The following FAM124A variants were observed in gnomAD, a reference collection of about 807,000 sequenced individuals.
The protein encoded by FAM124A is family with sequence similarity 124 member A, also known as protein FAM124A.
Under a neutral mutation model 24.5 loss-of-function variants are expected in FAM124A, and 23 were observed. The observed-to-expected ratio is 0.94, with a 90% CI of 0.68 to 1.33. The LOEUF (loss-of-function observed/expected upper bound fraction) is 1.33. FAM124A is among the 40% of genes most tolerant of loss of function. The probability of loss-of-function intolerance (pLI) is 0.00; values close to 1 mark genes in which losing one functional copy is unlikely to be tolerated. For missense variants in FAM124A, 623 were observed against 722.8 expected (o/e 0.86, Z 1.58); for synonymous variants, 287 against 314.7 (o/e 0.91, Z 0.93).
chr13:51,249,725 A>T (rs112502227), intron 2 of FAM124A, among the ~76,000 whole-genome samples: 12 of 152,208 alleles, frequency 7.9e-5, no homozygotes, highest in African/African-American at 2.9e-4. Flanking sequence ...CCCCCACCCC[A>T]AGTTACTATT....
intron 3 of FAM124A, among the ~76,000 whole-genome samples, chr13:51,260,355 A>G (rs1954722347): frequency 6.6e-6 from 1 of 152,178 alleles, no homozygotes; most frequent in Non-Finnish European, 1.5e-5. Flanking sequence ...GGCCAGAGAT[A>G]CACACTGCCA....
chr13:51,254,154 G>A (rs1566169318), intron 3 of FAM124A, among the ~76,000 whole-genome samples: 1 of 152,180 alleles, frequency 6.6e-6, no homozygotes, highest in Admixed American at 6.5e-5. Context: ...CTCTTTAGCA[G>A]TGTACGTTCC....
At chr13:51,256,034 C>G (rs1293884313) in intron 3 of FAM124A, among the ~76,000 whole-genome samples, 1 of 152,210 alleles carries the variant, frequency 6.6e-6, no homozygotes, top group African/African-American at 2.4e-5. Context: ...TGCACTGTTC[C>G]TTTCTCAGGG....
At chr13:51,241,092 C>T (rs1432615103) in intron 2 of FAM124A, among the ~76,000 whole-genome samples, 1 of 152,222 alleles carries the variant, frequency 6.6e-6, no homozygotes, top group Non-Finnish European at 1.5e-5. Context: ...AAAAGCCCAG[C>T]TCTTGCAACA....
At chr13:51,256,102 G>A (rs953053812) in intron 3 of FAM124A, among the ~76,000 whole-genome samples, 1 of 152,220 alleles carries the variant, frequency 6.6e-6, no homozygotes, top group African/African-American at 2.4e-5. Context: ...TGCCTCTTTT[G>A]GAGGCCTGCT....
intron 1 of FAM124A, among the ~76,000 whole-genome samples, chr13:51,223,524 A>T (rs1954283927): frequency 6.6e-6 from 1 of 152,098 alleles, no homozygotes; most frequent in African/African-American, 2.4e-5. Context: ...GAGGTTTTAG[A>T]CTAATCTCAG....
intron 1 of FAM124A, among the ~76,000 whole-genome samples, chr13:51,230,946 C>T (rs1396836058): frequency 6.6e-6 from 1 of 152,192 alleles, no homozygotes; most frequent in African/African-American, 2.4e-5. Flanking sequence ...TAGCAAAGAA[C>T]ATTTCCCCAT....
Position 51,225,720 on chromosome 13 carries a change from G to T in FAM124A, c.68+3151G>T, listed in dbSNP as rs1036229427. 2.0e-5 allele frequency among the ~76,000 whole-genome samples: 3 copies of T among 152,118 alleles called. No homozygotes were observed. The South Asian group carries it at 6.2e-4, about 32-fold the overall frequency. On this transcript the variant is annotated intron_variant, in intron 1 of 3. Coordinates refer to ENST00000322475, the MANE Select transcript of FAM124A (RefSeq NM_001242312.2). The stretch of plus-strand genomic sequence containing the variant: ...GAAGGAAGAGTGGTATTTCACAGCG[G>T]GGTGGTGGAGGCAGGAGCCAGATTA...
chr13:51,231,437 C>T, intron 2 of FAM124A, 58 bp downstream of exon 2: 2 of 1,560,762 alleles, frequency 1.3e-6, no homozygotes, highest in Admixed American at 1.9e-5. Flanking sequence ...GAGGTCAGTA[C>T]CCTAGAGGCC....
At chr13:51,268,983 T>A (rs1954814958) in intron 3 of FAM124A, among the ~76,000 whole-genome samples, 1 of 152,180 alleles carries the variant, frequency 6.6e-6, no homozygotes, top group Non-Finnish European at 1.5e-5. Context: ...AACAAACACA[T>A]GCAGAGCCAA....
At chr13:51,256,952 T>C (rs1418797989) in intron 3 of FAM124A, among the ~76,000 whole-genome samples, 2 of 152,216 alleles carry the variant, frequency 1.3e-5, no homozygotes, top group Non-Finnish European at 2.9e-5. Context: ...TGTCTTTCTG[T>C]TATTGGCTTA....
intron 1 of FAM124A, among the ~76,000 whole-genome samples, chr13:51,228,410 A>G (rs2137643915): frequency 6.6e-6 from 1 of 152,244 alleles, no homozygotes; most frequent in Middle Eastern, 3.4e-3. Flanking sequence ...ATGTGTCTAT[A>G]TTTGTCAGGT....
At position 51,281,422 on chromosome 13, in the gene FAM124A, A is replaced by G; in HGVS notation, c.*166A>G. On this transcript the variant is annotated 3_prime_UTR_variant, in exon 4 of 4. Coordinates refer to ENST00000322475, the MANE Select transcript of FAM124A (RefSeq NM_001242312.2). ...CTTAGCTGGGGGGTGGTATATCTCT[A>G]GAGACACAGCAGAAAAATACTGGCA... 1.8e-6 allele frequency: 1 copy of G among 564,814 alleles called. No homozygotes were observed. The highest frequency in any genetic ancestry group is 3.0e-6 in the Non-Finnish European group (1 of 337,858). The allele number at this position is 564,814 out of a possible 1,614,324, so 35.0% of individuals were successfully genotyped here.
rs534882865 is a variant in FAM124A, at chr13:51,251,159, A to G, written c.101-309A>G. Among the ~76,000 whole-genome samples the G allele has an allele frequency of 1.3e-5, 2 of 152,226 alleles. No homozygotes were observed. Among genetic ancestry groups the G allele is most frequent in the South Asian group, 4.1e-4 (2 of 4,826 alleles). ...CTAGACTTGACTTTCTATTTGTCTG[A>G]TACGTAAATATAAAGTCAAATGTTC... On this transcript the variant is annotated intron_variant, in intron 2 of 3. Coordinates refer to ENST00000322475, the MANE Select transcript of FAM124A (RefSeq NM_001242312.2). The surrounding 1 kb of genome is among the most constrained non-coding windows in gnomAD (Gnocchi z 5.3).
At chr13:51,264,249 G>A (rs1839929026) in intron 3 of FAM124A, among the ~76,000 whole-genome samples, 1 of 152,196 alleles carries the variant, frequency 6.6e-6, no homozygotes, top group Admixed American at 6.5e-5. Context: ...GTCACTGGAT[G>A]AAAGCAGCCA....
Position 51,255,062 on chromosome 13 carries a change from G to A in FAM124A, c.834+2861G>A, listed in dbSNP as rs115548910. Among the ~76,000 whole-genome samples, 575 of 152,156 alleles carry A rather than the reference G, an allele frequency of 3.8e-3. 3 individuals carry two copies. Among genetic ancestry groups the A allele is most frequent in the African/African-American group, 0.013 (556 of 41,494 alleles). ...CTCTATATTACATGAAAGGGGGAGA[G>A]AGAAGAAATTTCTAGTCCAAAAAAA... On this transcript the variant is annotated intron_variant, in intron 3 of 3. Transcript: ENST00000322475.
chr13:51,254,502 C>T (rs188358731), intron 3 of FAM124A, among the ~76,000 whole-genome samples: 72 of 152,256 alleles, frequency 4.7e-4, no homozygotes, highest in African/African-American at 1.6e-3. Flanking sequence ...AATGTATCTT[C>T]CCTTCATTCT....
At position 51,252,132 on chromosome 13, in the gene FAM124A, C is replaced by A. The variant is rs1197722626; in HGVS notation, c.765C>A (p.Asn255Lys). ...DIGELVPLLP[N>K]PCSPISEGRW... Reference sequence around the variant, plus strand: ...GCGAGCTCGTGCCTCTCCTGCCCAACCCTTGCAGCCCCATCAGCGAGGGGC... The same window carrying A: ...GCGAGCTCGTGCCTCTCCTGCCCAAACCTTGCAGCCCCATCAGCGAGGGGC... Residue 255 changes from asparagine (N) to lysine (K), a missense_variant, in exon 3 of 4, where the codon AAC becomes AAA. Transcript: ENST00000322475. The A allele has an allele frequency of 5.0e-6, 8 of 1,613,990 alleles. No individual in the cohort carries two copies. Among genetic ancestry groups the A allele is most frequent in the Non-Finnish European group, 6.8e-6 (8 of 1,180,040 alleles).
chr13:51,240,683 G>A (rs189430388), intron 2 of FAM124A, among the ~76,000 whole-genome samples: 2 of 152,288 alleles, frequency 1.3e-5, no homozygotes, highest in African/African-American at 2.4e-5. Flanking sequence ...CCTATAAGAA[G>A]CTCCTATTAT....
Sources: gnomAD v4.1 joint callset for allele counts (sites outside exome capture counted in the v4.1 genomes callset) on GRCh38, gnomAD v4.1.1 for gene constraint, Gnocchi (gnomAD v3.1) non-coding constraint, MANE v1.5 for transcripts, NCBI Gene and HGNC (gene_info 2026-07-23, HGNC 2026-07-21) for gene names.